The following AKT3 variants were observed in gnomAD, a reference collection of about 807,000 sequenced individuals.
AKT3 encodes RAC-gamma serine/threonine-protein kinase.
AKT3 carries 15 observed loss-of-function variants against 65.3 expected under a neutral mutation model. The observed-to-expected ratio is 0.23, with a 90% CI of 0.15 to 0.35. AKT3 has a LOEUF of 0.35. Ranked by LOEUF, AKT3 falls within the 10% of genes least tolerant of loss-of-function variation. The pLI, the probability that AKT3 is intolerant of heterozygous loss-of-function variation, is 1.00. For synonymous variants in AKT3, 206 were observed against 183.8 expected (o/e 1.12, Z -0.98); for missense variants, 243 against 576.5 (o/e 0.42, Z 5.92).
chr1:243,822,967 G>C (rs1373469621), intron 2 of AKT3, among the ~76,000 whole-genome samples: 1 of 151,974 alleles, frequency 6.6e-6, no homozygotes, highest in Non-Finnish European at 1.5e-5. Context: ...ACCCAGGAGA[G>C]ATGAAACAAA....
chr1:243,664,689 T>C, intron 4 of AKT3, 83 bp downstream of exon 4: 1 of 505,516 alleles, frequency 2.0e-6, no homozygotes, highest in Non-Finnish European at 3.2e-6. Flanking sequence ...TTATATATAT[T>C]TACAAATAAT....
chr1:243,595,942 C>G (rs952741064), intron 8 of AKT3, among the ~76,000 whole-genome samples: 2 of 152,168 alleles, frequency 1.3e-5, no homozygotes, highest in African/African-American at 4.8e-5. Flanking sequence ...TATTATGTAT[C>G]TAACTGCATG....
At chr1:243,568,519 G>C (rs891550429) in intron 9 of AKT3, among the ~76,000 whole-genome samples, 1 of 151,918 alleles carries the variant, frequency 6.6e-6, no homozygotes, top group Admixed American at 6.6e-5. Flanking sequence ...AGTTGAAGTG[G>C]ACAGGCATTA....
chr1:243,587,947 G>T (rs148060568), intron 8 of AKT3, among the ~76,000 whole-genome samples: 87 of 152,202 alleles, frequency 5.7e-4, no homozygotes, highest in African/African-American at 2.0e-3. Flanking sequence ...ATATATAAAA[G>T]AACTCTCATT....
At chr1:243,837,343 A>T (rs1034250521) in intron 2 of AKT3, among the ~76,000 whole-genome samples, 2 of 152,186 alleles carry the variant, frequency 1.3e-5, no homozygotes, top group Non-Finnish European at 2.9e-5. Flanking sequence ...ATCTTCCCAC[A>T]AAGAAAGCTC....
intron 10 of AKT3, among the ~76,000 whole-genome samples, chr1:243,554,225 T>C (rs1027686667): frequency 4.5e-4 from 68 of 152,126 alleles, no homozygotes; most frequent in African/African-American, 1.6e-3. Flanking sequence ...AGAAAAAATA[T>C]GTTACTTAAA....
chr1:243,691,130 A>G (rs1040597288), intron 3 of AKT3, among the ~76,000 whole-genome samples: 1 of 152,208 alleles, frequency 6.6e-6, no homozygotes, highest in African/African-American at 2.4e-5. Flanking sequence ...ATTAAGTCTT[A>G]GAAAAGTATC....
At chr1:243,688,317 A>T (rs532917521) in intron 3 of AKT3, among the ~76,000 whole-genome samples, 1 of 152,178 alleles carries the variant, frequency 6.6e-6, no homozygotes, top group South Asian at 2.1e-4. Context: ...AAAGAGTAAC[A>T]GAAAAAAAAG....
intron 12 of AKT3, among the ~76,000 whole-genome samples, chr1:243,529,389 CTAGGTTATCT>C: frequency 6.6e-6 from 1 of 151,996 alleles, no homozygotes; most frequent in East Asian, 1.9e-4. Context: ...ATGGTATTTC[CTAGGTTATCT>C]TATATGGCAT....
intron 2 of AKT3, among the ~76,000 whole-genome samples, chr1:243,832,120 T>TAA (rs869235352): frequency 6.7e-5 from 3 of 44,774 alleles, no homozygotes; most frequent in Admixed American, 7.6e-4. Flanking sequence ...TCCCTAAAAC[T>TAA]AAAAAAAAAA....
At chr1:243,540,903 G>C (rs974373482) in intron 12 of AKT3, among the ~76,000 whole-genome samples, 2 of 152,112 alleles carry the variant, frequency 1.3e-5, no homozygotes, top group Non-Finnish European at 2.9e-5. Context: ...GCATCTTGGA[G>C]GAGAGCACTT....
At chr1:243,594,684 A>G (rs1476304329) in intron 8 of AKT3, among the ~76,000 whole-genome samples, 1 of 152,056 alleles carries the variant, frequency 6.6e-6, no homozygotes, top group Non-Finnish European at 1.5e-5. Flanking sequence ...TGCAGCATCA[A>G]CCTCTTGGGC....
At chr1:243,633,224 G>A (rs886401220) in intron 6 of AKT3, among the ~76,000 whole-genome samples, 1 of 152,004 alleles carries the variant, frequency 6.6e-6, no homozygotes, top group Non-Finnish European at 1.5e-5. Flanking sequence ...ATTAGCACTG[G>A]ACCTGTCATA....
intron 2 of AKT3, among the ~76,000 whole-genome samples, chr1:243,830,690 G>C (rs1177904523): frequency 6.6e-6 from 1 of 152,168 alleles, no homozygotes; most frequent in Non-Finnish European, 1.5e-5. Flanking sequence ...TATAGGCTTA[G>C]AAAGTTAGGT....
chr1:243,637,772 T>G (rs1279705418), intron 5 of AKT3, 30 bp from the exon 6 acceptor site: 10 of 1,431,740 alleles, frequency 7.0e-6, no homozygotes, highest in Admixed American at 3.9e-5. Context: ...AAATATAATA[T>G]GAAGTATTTG....
chr1:243,834,730 TA>T (rs1694779954), intron 2 of AKT3, among the ~76,000 whole-genome samples: 1 of 149,190 alleles, frequency 6.7e-6, no homozygotes, highest in African/African-American at 2.5e-5. Context: ...TTCTGGAAAC[TA>T]AAAGTTTAAA....
At chr1:243,755,254 T>C (rs1689061057) in intron 2 of AKT3, among the ~76,000 whole-genome samples, 1 of 142,482 alleles carries the variant, frequency 7.0e-6, no homozygotes, top group South Asian at 2.2e-4. Context: ...TTTTTTTTTT[T>C]AGTAGAGACA....
chr1:243,720,483 T>C (rs1317497121), intron 2 of AKT3, among the ~76,000 whole-genome samples: 3 of 127,274 alleles, frequency 2.4e-5, no homozygotes, highest in African/African-American at 6.1e-5. Flanking sequence ...AATGTCAAAA[T>C]ATAATTAAAA....
rs561022762 is a variant in AKT3 at position 243,770,442 on chromosome 1, C to T, written c.46+72683G>A. Among the ~76,000 whole-genome samples the T allele has an allele frequency of 7.7e-4, 117 of 152,196 alleles. No homozygotes were observed. The Middle Eastern group carries it at 0.01, about 13-fold the overall frequency. On this transcript the variant is annotated intron_variant, in intron 2 of 13. Coordinates refer to ENST00000673466, the MANE Select transcript of AKT3 (RefSeq NM_005465.7). ...TCAGTCTCCTAATTCCAATCCAGAG[C>T]TCTTGCCATAGTATCATACTTTTTT...
Sources: allele counts gnomAD v4.1 joint callset (sites outside exome capture counted in the v4.1 genomes callset), GRCh38; gene constraint gnomAD v4.1.1; transcripts MANE v1.5; gene names NCBI Gene and HGNC (gene_info 2026-07-23, HGNC 2026-07-21).